The following DENND1A variants were observed in gnomAD, a reference collection of about 807,000 sequenced individuals.
DENND1A encodes the protein DENN domain-containing protein 1A.
A neutral mutation model predicts 113.7 loss-of-function variants in DENND1A; 51 were observed. The ratio of observed to expected loss-of-function variants is 0.45; its 90% CI spans 0.36 to 0.57. The LOEUF (loss-of-function observed/expected upper bound fraction) is 0.57. Among genes scored for constraint, DENND1A ranks in the 20% least tolerant of loss-of-function variants. The probability of loss-of-function intolerance (pLI) is 0.00; values close to 1 mark genes in which losing one functional copy is unlikely to be tolerated. For missense variants in DENND1A, 1,258 were observed against 1,395.9 expected (o/e 0.90, Z 1.57); for synonymous variants, 565 against 570.8 (o/e 0.99, Z 0.14).
intron 13 of DENND1A, among the ~76,000 whole-genome samples, chr9:123,512,551 G>A (rs1305226080): frequency 6.6e-6 from 1 of 152,212 alleles, no homozygotes; most frequent in Non-Finnish European, 1.5e-5. Flanking sequence ...GCACTTTTCA[G>A]TGCTCCTTCC....
At chr9:123,506,609 T>G (rs1588892640) in intron 13 of DENND1A, among the ~76,000 whole-genome samples, 2 of 118,634 alleles carry the variant, frequency 1.7e-5, no homozygotes, top group South Asian at 3.0e-4. Flanking sequence ...AAAAAAGAAT[T>G]ATTACTATGA....
chr9:123,622,057 T>C (rs1181204249), intron 10 of DENND1A, among the ~76,000 whole-genome samples: 5 of 152,160 alleles, frequency 3.3e-5, no homozygotes, highest in Admixed American at 6.6e-5. Flanking sequence ...TCCAGAGTCA[T>C]CTGGAAATGC....
At position 123,895,587 on chromosome 9, in the gene DENND1A, A is replaced by C. The variant is rs1850614834; in HGVS notation, c.18-16566T>G. Among the ~76,000 whole-genome samples, 5 of 151,754 alleles carry C rather than the reference A, an allele frequency of 3.3e-5. No homozygotes were observed. In the South Asian group the frequency reaches 1.0e-3, roughly 32 times the overall value. ...CACTGAGCCGAGATTATGCCACTGC[A>C]CACCAGCCTGGGCGATAGAGTGAGA... On this transcript the variant is annotated intron_variant, in intron 1 of 23. Transcript: ENST00000394215.
chr9:123,620,213 C>CAAAAAAAAAAAAAAAAAAAAAA (rs34196587), intron 10 of DENND1A, among the ~76,000 whole-genome samples: 3 of 59,040 alleles, frequency 5.1e-5, no homozygotes, highest in African/African-American at 2.1e-4. Context: ...GACTCCATCT[C>CAAAAAAAAAAAAAAAAAAAAAA]AAAAAAAAAA....
At chr9:123,579,543 C>G (rs1293536044) in intron 12 of DENND1A, among the ~76,000 whole-genome samples, 1 of 152,038 alleles carries the variant, frequency 6.6e-6, no homozygotes, top group African/African-American at 2.4e-5. Context: ...ATGAGCCAGT[C>G]TTGAGTCTGC....
At chr9:123,633,817 A>T (rs2138746867) in intron 9 of DENND1A, among the ~76,000 whole-genome samples, 1 of 152,310 alleles carries the variant, frequency 6.6e-6, no homozygotes, top group Admixed American at 6.5e-5. Flanking sequence ...AAACAAAAAC[A>T]GCAAGCTTAG....
intron 5 of DENND1A, among the ~76,000 whole-genome samples, chr9:123,688,495 G>T (rs575526057): frequency 6.6e-6 from 1 of 152,156 alleles, no homozygotes; most frequent in Admixed American, 6.5e-5. Context: ...AGATTTGTGC[G>T]AGAAGTCATC....
intron 4 of DENND1A, among the ~76,000 whole-genome samples, chr9:123,761,141 C>G (rs1471661928): frequency 2.0e-5 from 3 of 152,150 alleles, no homozygotes; most frequent in African/African-American, 7.2e-5. Context: ...ATTAAAAATG[C>G]TGGAAATGTG....
At chr9:123,425,752 G>A (rs746660469) in intron 19 of DENND1A, among the ~76,000 whole-genome samples, 5 of 152,236 alleles carry the variant, frequency 3.3e-5, no homozygotes, top group East Asian at 3.8e-4. Flanking sequence ...GGACAGTGCC[G>A]GCTCAGAGCA....
chr9:123,443,189 T>C (rs747049634), intron 18 of DENND1A, among the ~76,000 whole-genome samples: 2 of 152,190 alleles, frequency 1.3e-5, no homozygotes, highest in East Asian at 1.9e-4. Flanking sequence ...GGTGCTTTTA[T>C]GCCATATCAT....
intron 5 of DENND1A, among the ~76,000 whole-genome samples, chr9:123,710,673 G>GC (rs2066520074): frequency 7.2e-6 from 1 of 138,986 alleles, no homozygotes; most frequent in African/African-American, 2.6e-5. Context: ...AATCTTGGAG[G>GC]TTTTTTTTTT....
intron 21 of DENND1A, chr9:123,402,630 G>T (rs1395121893): frequency 1.9e-6 from 1 of 534,646 alleles, no homozygotes; most frequent in Non-Finnish European, 3.8e-6. Flanking sequence ...CAGGAAGTCA[G>T]CGTGTAGCCG....
At chr9:123,555,057 T>C (rs1400559674) in intron 13 of DENND1A, among the ~76,000 whole-genome samples, 2 of 152,220 alleles carry the variant, frequency 1.3e-5, no homozygotes, top group Non-Finnish European at 2.9e-5. Flanking sequence ...CTTTTGCAAC[T>C]AGGGGTGTCT....
rs147275306 is a variant in DENND1A, at chr9:123,412,548, G to T, written c.1489-719C>A. On this transcript the variant is annotated intron_variant, in intron 19 of 23. Coordinates refer to ENST00000394215, the MANE Select transcript of DENND1A (RefSeq NM_001352964.2). ...CCTGGGGAAAAAATCTGCTCAACAA[G>T]CGTCTGATGAACAAATAAAATTTGT... 6.6e-4 allele frequency among the ~76,000 whole-genome samples: 101 copies of T among 152,352 alleles called. 2 individuals carry two copies. Among genetic ancestry groups the T allele is most frequent in the African/African-American group, 2.3e-3 (97 of 41,590 alleles).
intron 11 of DENND1A, among the ~76,000 whole-genome samples, chr9:123,596,599 C>T (rs2059704030): frequency 6.6e-6 from 1 of 152,164 alleles, no homozygotes; most frequent in South Asian, 2.1e-4. Flanking sequence ...TGCCTTTCTC[C>T]TCGCTGTGCA....
intron 17 of DENND1A, among the ~76,000 whole-genome samples, chr9:123,451,317 G>T (rs1473447331): frequency 1.3e-5 from 2 of 152,080 alleles, no homozygotes. Context: ...GCACAGAGAG[G>T]ACTAACAAAA....
intron 9 of DENND1A, among the ~76,000 whole-genome samples, chr9:123,639,529 G>A (rs2061913062): frequency 2.0e-5 from 3 of 147,536 alleles, no homozygotes; most frequent in Admixed American, 6.8e-5. Flanking sequence ...GTAATCCCCA[G>A]CACTTTGGGA....
At chr9:123,514,638 T>C (rs1332716857) in intron 13 of DENND1A, among the ~76,000 whole-genome samples, 1 of 152,004 alleles carries the variant, frequency 6.6e-6, no homozygotes, top group Non-Finnish European at 1.5e-5. Flanking sequence ...TAGTCACAGA[T>C]ATGTAAAGGG....
At chr9:123,755,401 C>T (rs1159582550) in intron 5 of DENND1A, among the ~76,000 whole-genome samples, 1 of 151,958 alleles carries the variant, frequency 6.6e-6, no homozygotes, top group African/African-American at 2.4e-5. Flanking sequence ...ACCTCAGCCT[C>T]CCAAACTGCT....
Sources: gnomAD v4.1 joint callset for allele counts (sites outside exome capture counted in the v4.1 genomes callset) on GRCh38, gnomAD v4.1.1 for gene constraint, MANE v1.5 for transcripts, NCBI Gene and HGNC (gene_info 2026-07-23, HGNC 2026-07-21) for gene names.